The following ZNF175 variants were observed in gnomAD, a reference collection of about 807,000 sequenced individuals.
ZNF175 encodes the protein zinc finger protein OTK18.
In ZNF175, 8 loss-of-function variants were observed where a neutral mutation model predicts 14.0. The observed-to-expected ratio is 0.57, with a 90% CI of 0.34 to 1.03. The LOEUF is 1.03. Ranked by LOEUF, ZNF175 falls within the 50% of genes least tolerant of loss-of-function variation. The pLI, the probability that ZNF175 is intolerant of heterozygous loss-of-function variation, is 0.03. For synonymous variants in ZNF175, 255 were observed against 296.8 expected, an observed-to-expected ratio of 0.86 and a Z score of 1.45; for missense variants, 764 against 849.5, an observed-to-expected ratio of 0.90 and a Z score of 1.25.
chr19:51,582,891 T>C (rs1982059799), intron 4 of ZNF175, among the ~76,000 whole-genome samples: 1 of 152,090 alleles, frequency 6.6e-6, no homozygotes, highest in African/African-American at 2.4e-5. Context: ...GTTTCACTCT[T>C]GTTGCCCAGG....
chr19:51,588,649 A>AT lies in ZNF175; in HGVS notation c.*184dup. ...GTCATGCTTTATTTTAGTGAGGGCA[A>AT]TTACAGAGAAAAGAGTAAGCAGAAA... is the stretch of plus-strand genomic sequence containing the variant. On this transcript the variant is annotated 3_prime_UTR_variant, in exon 5 of 5. Coordinates refer to ENST00000262259, the MANE Select transcript of ZNF175 (RefSeq NM_007147.4). 1 of 617,266 alleles carries AT rather than the reference A, an allele frequency of 1.6e-6. No individual in the cohort carries two copies. The highest frequency in any genetic ancestry group is 2.6e-6 in the Non-Finnish European group (1 of 387,776). 38.2% of individuals were successfully genotyped at this position (617,266 alleles called of 1,614,324 possible). A position where few individuals can be genotyped will look rare whatever the true frequency, so the allele number is the denominator to read the frequency against.
chr19:51,587,102 TAGA>T lies in ZNF175; in HGVS notation c.773_775del (p.Arg258del), dbSNP rs761506567. On this transcript the variant is annotated inframe_deletion, in exon 5 of 5. Coordinates refer to ENST00000262259, the MANE Select transcript of ZNF175 (RefSeq NM_007147.4). ...AGACATTTTGCAAAGGTAACCAGTG[TAGA>T]AAAGTCTGTGGCCATAAACAGTCAC... 2 of 1,614,174 alleles carry T rather than the reference TAGA, an allele frequency of 1.2e-6. No homozygotes were observed. Among genetic ancestry groups the T allele is most frequent in the East Asian group, 4.5e-5 (2 of 44,890 alleles).
chr19:51,573,161 AC>A lies in ZNF175; in HGVS notation c.-164del. The A allele has an allele frequency of 3.0e-6, 2 of 675,428 alleles. No individual in the cohort carries two copies. Among genetic ancestry groups the A allele is most frequent in the Non-Finnish European group, 2.6e-6 (1 of 383,058 alleles). The allele number at this position is 675,428 out of a possible 1,614,324, so 41.8% of individuals were successfully genotyped here. ...ATTGCTTTTCCAAGGCTTCTGCAGAACCCCCAGGTCAGGCCACATCATTGAG... is the reference window on the plus strand; with the variant it reads ...ATTGCTTTTCCAAGGCTTCTGCAGAACCCCAGGTCAGGCCACATCATTGAG... On this transcript the variant is annotated 5_prime_UTR_variant, in exon 2 of 5. Transcript: ENST00000262259.
Position 51,587,432 on chromosome 19 carries a change from C to A in ZNF175, c.1101C>A (p.Asp367Glu), listed in dbSNP as rs1982204637. Residue 367 changes from aspartate (D) to glutamate (E), a missense_variant, in exon 5 of 5, where the codon GAC (aspartate) becomes GAA (glutamate). Transcript: ENST00000262259. ...GAAAGAAGCCCTATAAATGCCATGA[C>A]TGTGGAAAAGCCTTTTTCCAGATGT... ...HTRKKPYKCH[D>E]CGKAFFQMLS... The A allele has an allele frequency of 6.2e-7, 1 of 1,614,210 alleles. No homozygotes were observed.
chr19:51,573,265 T>C lies in ZNF175; in HGVS notation c.-65T>C, dbSNP rs560347000. On this transcript the variant is annotated 5_prime_UTR_variant, in exon 2 of 5. Transcript: ENST00000262259. ...TGGAAAATCCAAACACCTATCCAGC[T>C]TCTGGCTCCTGGGAAAAGTGGAGTT... 3 of 1,561,582 alleles carry C rather than the reference T, an allele frequency of 1.9e-6. No homozygotes were observed. The highest frequency in any genetic ancestry group is 1.1e-5 in the South Asian group (1 of 89,512).
chr19:51,573,412 G>A lies in ZNF175; in HGVS notation c.72+11G>A. ...GATGGATCTTGCGAGGTAAACAGGG[G>A]CAGCCCTGGGGATAGTTCTCCAGAA... On this transcript the variant is annotated intron_variant, in intron 2 of 4. Coordinates refer to ENST00000262259, the MANE Select transcript of ZNF175 (RefSeq NM_007147.4). The A allele has an allele frequency of 1.2e-6, 2 of 1,612,698 alleles. No individual in the cohort carries two copies. Among genetic ancestry groups the A allele is most frequent in the Non-Finnish European group, 1.7e-6 (2 of 1,179,476 alleles).
Position 51,588,225 on chromosome 19 carries a change from A to T in ZNF175, c.1894A>T (p.Thr632Ser), listed in dbSNP as rs776202375. The change falls in exon 5 of 5, where the codon ACC becomes TCC. Residue 632 changes from threonine (T) to serine (S), a missense_variant. Physicochemically the swap from Thr to Ser is moderately conservative, Grantham distance 58. Coordinates refer to ENST00000262259, the MANE Select transcript of ZNF175 (RefSeq NM_007147.4). The stretch of plus-strand genomic sequence containing the variant: ...TTTTGTCCAGAAATCAGAGTTGATT[A>T]CCCATCAAAGAACTCACATGGGAGA... ...KAFVQKSELI[T>S]HQRTHMGEKP... 7.4e-6 allele frequency: 12 copies of T among 1,614,004 alleles called. No homozygotes were observed. The highest frequency in any genetic ancestry group is 1.7e-6 in the Non-Finnish European group (2 of 1,179,998).
Position 51,586,732 on chromosome 19 carries a change from T to G in ZNF175, c.401T>G (p.Ile134Ser). 1 of 1,614,186 alleles carries G rather than the reference T, an allele frequency of 6.2e-7. No individual in the cohort carries two copies. The highest frequency in any genetic ancestry group is 1.3e-5 in the African/African-American group (1 of 75,052). ...EFTRDGSWCS[I>S]LEELRLDADR... is the part of the protein sequence containing the mutation. Reference sequence around the variant, plus strand: ...ACAAGAGATGGTTCATGGTGTTCCATTTTAGAAGAACTGAGGCTGGATGCT... The same window carrying G: ...ACAAGAGATGGTTCATGGTGTTCCAGTTTAGAAGAACTGAGGCTGGATGCT... The change falls in exon 5 of 5, where the codon ATT becomes AGT. Residue 134 changes from isoleucine to serine, a missense_variant. By Grantham distance (142) the Ile-to-Ser change is moderately radical. Coordinates refer to ENST00000262259, the MANE Select transcript of ZNF175 (RefSeq NM_007147.4).
At chr19:51,586,552 G>A (rs1354113565) in intron 4 of ZNF175, 75 bp from the exon 5 acceptor site, 17 of 1,442,156 alleles carry the variant, frequency 1.2e-5, no homozygotes, top group Non-Finnish European at 1.6e-5. Context: ...CTTGTGTTCT[G>A]TGTCAATCAG....
At position 51,590,685 on chromosome 19, in the gene ZNF175, G is replaced by A. The variant is rs34321116; in HGVS notation, c.*2218G>A. 0.073 allele frequency: 11,186 copies of A among 152,348 alleles called. 541 individuals are homozygous for A. The highest frequency in any genetic ancestry group is 0.17 in the Middle Eastern group (50 of 298). The allele number at this position is 152,348 out of a possible 1,614,324, so 9.4% of individuals were successfully genotyped here. On this transcript the variant is annotated 3_prime_UTR_variant, in exon 5 of 5. Coordinates refer to ENST00000262259, the MANE Select transcript of ZNF175 (RefSeq NM_007147.4). ...CACTGGCCTCTCCCTGTCCAGGGGC[G>A]TAGTATCAGTGACCATGTCCCACCT...
In ZNF175 at chr19:51,586,882, C is replaced by T. The variant is rs749606113; in HGVS notation, c.551C>T (p.Thr184Met). ...EYKDPGKMIR[T>M]RPHLASSQKQ... ...AAGGACCCTGGGAAAATGATTCGCA[C>T]GAGGCCCCACCTTGCTTCTTCACAG... Residue 184 changes from threonine (T) to methionine (M), a missense_variant, in exon 5 of 5, where the codon ACG becomes ATG. Physicochemically the swap from Thr to Met is moderately conservative, Grantham distance 81. Transcript: ENST00000262259. 37 of 1,614,036 alleles carry T rather than the reference C, an allele frequency of 2.3e-5. No individual in the cohort carries two copies. The highest frequency in any genetic ancestry group is 2.7e-5 in the Non-Finnish European group (32 of 1,180,020).
At chr19:51,581,954 A>G in intron 4 of ZNF175, 72 bp downstream of exon 4, 5 of 1,365,766 alleles carry the variant, frequency 3.7e-6, no homozygotes, top group South Asian at 2.5e-5. Flanking sequence ...ATACTTTTCT[A>G]TTCCCTCCAT....
intron 2 of ZNF175, among the ~76,000 whole-genome samples, chr19:51,577,017 G>A (rs927310915): frequency 3.9e-5 from 6 of 152,108 alleles, no homozygotes; most frequent in African/African-American, 1.4e-4. Flanking sequence ...ACTCCATCCT[G>A]GGTGACAGAG....
chr19:51,571,904 G>T (rs914726383), intron 1 of ZNF175, among the ~76,000 whole-genome samples: 9 of 152,216 alleles, frequency 5.9e-5, no homozygotes, highest in Non-Finnish European at 1.2e-4. Context: ...GGGGTTGCCA[G>T]GGGTAGCCTA....
chr19:51,584,474 T>C (rs1316946825), intron 4 of ZNF175, among the ~76,000 whole-genome samples: 2 of 152,200 alleles, frequency 1.3e-5, no homozygotes, highest in Admixed American at 1.3e-4. Flanking sequence ...ACATTGAACA[T>C]TTTGGGCAGT....
Position 51,579,082 on chromosome 19 carries a change from G to T in ZNF175, c.73-2309G>T, listed in dbSNP as rs74772178. On this transcript the variant is annotated intron_variant, in intron 2 of 4. Coordinates refer to ENST00000262259, the MANE Select transcript of ZNF175 (RefSeq NM_007147.4). ...AGCCTGGCCAACATAATGAAACCCCGTGTCTACTAAAAATACAAAAATTAG... is the reference window on the plus strand; with the variant it reads ...AGCCTGGCCAACATAATGAAACCCCTTGTCTACTAAAAATACAAAAATTAG... Among the ~76,000 whole-genome samples, 595 of 151,996 alleles carry T rather than the reference G, an allele frequency of 3.9e-3. 27 individuals carry two copies. The East Asian group carries it at 0.079, about 20-fold the overall frequency.
chr19:51,588,352 C>T lies in ZNF175; in HGVS notation c.2021C>T (p.Ser674Phe). 1 of 1,614,046 alleles carries T rather than the reference C, an allele frequency of 6.2e-7. No individual in the cohort carries two copies. The highest frequency in any genetic ancestry group is 8.5e-7 in the Non-Finnish European group (1 of 1,180,010). Residue 674 changes from serine (S) to phenylalanine (F), a missense_variant, in exon 5 of 5, where the codon TCT becomes TTT. Transcript: ENST00000262259. ...ACGGGAGAAAGACCTTATGTGTGTT[C>T]TGAATGTGGAAAGGCCTTCAACAAC... is the stretch of plus-strand genomic sequence containing the variant. The part of the protein sequence containing the change: ...IHTGERPYVC[S>F]ECGKAFNNRS...
Position 51,587,542 on chromosome 19 carries a change from C to T in ZNF175, c.1211C>T (p.Ser404Leu). 6.2e-7 allele frequency: 1 copy of T among 1,614,200 alleles called. No individual in the cohort carries two copies. The highest frequency in any genetic ancestry group is 8.5e-7 in the Non-Finnish European group (1 of 1,180,030). ...TGTGGCAAAGGCTTCTCCCAAAACT[C>T]AACCCTCATTATACATCAGAAAATT... ...SECGKGFSQN[S>L]TLIIHQKIHT... is the part of the protein sequence containing the mutation. The change falls in exon 5 of 5, where the codon TCA becomes TTA. Residue 404 changes from serine (S) to leucine (L), a missense_variant. Transcript: ENST00000262259.
At chr19:51,578,408 A>AAAG (rs1555785330) in intron 2 of ZNF175, among the ~76,000 whole-genome samples, 9 of 151,762 alleles carry the variant, frequency 5.9e-5, no homozygotes, top group South Asian at 2.1e-4. Flanking sequence ...CTCAAAAAAA[A>AAAG]AGAAGCAAGC....
Sources: allele counts gnomAD v4.1 joint callset (sites outside exome capture counted in the v4.1 genomes callset), GRCh38; gene constraint gnomAD v4.1.1; transcripts MANE v1.5; gene names NCBI Gene and HGNC (gene_info 2026-07-23, HGNC 2026-07-21).